Variants in PBX1 observed in about 807,000 individuals in gnomAD.
The protein encoded by PBX1 is pre-B-cell leukemia transcription factor 1.
Under a neutral mutation model 53.4 loss-of-function variants are expected in PBX1, and 6 were observed. The ratio of observed to expected loss-of-function variants is 0.11; its 90% CI spans 0.06 to 0.22. The LOEUF (loss-of-function observed/expected upper bound fraction) is 0.22. Among genes scored for constraint, PBX1 ranks in the 10% least tolerant of loss-of-function variants. The pLI is 1.00. For missense variants in PBX1, 251 were observed against 551.4 expected (o/e 0.46, Z 5.46); for synonymous variants, 204 against 212.3 (o/e 0.96, Z 0.34).
At chr1:164,616,498 A>G (rs190036287) in intron 2 of PBX1, among the ~76,000 whole-genome samples, 36 of 152,348 alleles carry the variant, frequency 2.4e-4, no homozygotes, top group Non-Finnish European at 2.5e-4. Flanking sequence ...CTGGAAATAT[A>G]CCAGTAAAAT....
At chr1:164,740,474 A>G (rs547100327) in intron 2 of PBX1, among the ~76,000 whole-genome samples, 3 of 152,180 alleles carry the variant, frequency 2.0e-5, no homozygotes, top group Non-Finnish European at 2.9e-5. Context: ...ATAGGCCACC[A>G]TATCAGAGTG....
chr1:164,644,559 C>G (rs12119891), intron 2 of PBX1, among the ~76,000 whole-genome samples: 66,801 of 149,842 alleles, frequency 0.45, 15,932 homozygotes, highest in East Asian at 0.54. Context: ...CGTTTATCAG[C>G]TTTTGTTTTT....
intron 2 of PBX1, among the ~76,000 whole-genome samples, chr1:164,659,699 A>T (rs996728463): frequency 6.6e-6 from 1 of 152,182 alleles, no homozygotes; most frequent in Admixed American, 6.5e-5. Flanking sequence ...AAGCAAGAGC[A>T]CTAAGCTTGG....
At chr1:164,627,539 C>A (rs1274539881) in intron 2 of PBX1, among the ~76,000 whole-genome samples, 2 of 152,122 alleles carry the variant, frequency 1.3e-5, no homozygotes, top group African/African-American at 2.4e-5. Flanking sequence ...GCATCGTGAA[C>A]AGGAAAGCTA....
intron 2 of PBX1, among the ~76,000 whole-genome samples, chr1:164,861,190 C>T (rs1672087766): frequency 6.6e-6 from 1 of 152,012 alleles, no homozygotes. Context: ...AAAGGGAGAT[C>T]TCAGGATCTC....
At chr1:164,853,675 A>AT (rs2102434086), downstream of PBX1, among the ~76,000 whole-genome samples, 1 of 152,306 alleles carries the variant, frequency 6.6e-6, no homozygotes, top group Admixed American at 6.5e-5. Flanking sequence ...GCCTGTGGTC[A>AT]TTAGGAAGGG....
intron 2 of PBX1, among the ~76,000 whole-genome samples, chr1:164,580,701 C>G (rs527826207): frequency 6.6e-6 from 1 of 152,208 alleles, no homozygotes; most frequent in East Asian, 1.9e-4. Context: ...CTCAGCCTCC[C>G]GAGTAGCTGG....
intron 8 of PBX1, among the ~76,000 whole-genome samples, chr1:164,842,091 AGAG>A (rs1671328308): frequency 6.6e-6 from 1 of 152,148 alleles, no homozygotes; most frequent in Non-Finnish European, 1.5e-5. Context: ...AGTGGGAAAA[AGAG>A]GAGATGGGGC....
chr1:164,637,406 G>A (rs1011419548), intron 2 of PBX1, among the ~76,000 whole-genome samples: 9 of 152,194 alleles, frequency 5.9e-5, no homozygotes, highest in African/African-American at 9.7e-5. Context: ...GAAAGCAGCG[G>A]GGCTGGTCGG....
At chr1:164,865,967 C>A (rs1037807103) in intron 2 of PBX1, among the ~76,000 whole-genome samples, 1 of 152,146 alleles carries the variant, frequency 6.6e-6, no homozygotes, top group Admixed American at 6.6e-5. Flanking sequence ...CAAGTCCCTG[C>A]ACTTTCTGTA....
chr1:164,853,798 G>A (rs575090456), downstream of PBX1, among the ~76,000 whole-genome samples: 1 of 152,154 alleles, frequency 6.6e-6, no homozygotes, highest in Admixed American at 6.5e-5. Context: ...AAAGAGTATG[G>A]TAAAGTGTAG....
chr1:164,814,166 T>G (rs1328917221), intron 6 of PBX1: 1 of 152,234 alleles, frequency 6.6e-6, no homozygotes, highest in African/African-American at 2.4e-5. Flanking sequence ...CTTTTGCTCT[T>G]AACCAACCTA....
rs776504167 is a variant in PBX1, at chr1:164,751,580, C to CTTTTTT, written c.266-40914_266-40913insTTTTTT. On this transcript the variant is annotated intron_variant, in intron 2 of 8. Coordinates refer to ENST00000420696, the MANE Select transcript of PBX1 (RefSeq NM_002585.4). ...TCAAATGTAATGGGTTTATTGCCCC[C>CTTTTTT]CTTTTTTTTTTTTTTTTTTGAGACA... Among the ~76,000 whole-genome samples the CTTTTTT allele has an allele frequency of 7.0e-5, 10 of 142,070 alleles. 1 individual carries two copies. The highest frequency in any genetic ancestry group is 1.9e-4 in the African/African-American group (7 of 37,082). 93.2% of individuals were successfully genotyped at this position (142,070 alleles called of 152,430 possible).
chr1:164,588,473 CTTT>C (rs371768861), intron 2 of PBX1, among the ~76,000 whole-genome samples: 3 of 73,084 alleles, frequency 4.1e-5, no homozygotes, highest in African/African-American at 1.2e-4. Context: ...CCGGACTAAG[CTTT>C]TTTTTTTTTT....
intron 1 of PBX1, 23 bp downstream of exon 1, chr1:164,560,036 C>A (rs777434921): frequency 3.3e-5 from 44 of 1,335,770 alleles, no homozygotes; most frequent in Non-Finnish European, 4.2e-5. Flanking sequence ...CTTTTCTTTT[C>A]CTTTCTTGGG....
intron 2 of PBX1, among the ~76,000 whole-genome samples, chr1:164,724,953 T>C (rs1664620724): frequency 6.6e-6 from 1 of 152,098 alleles, no homozygotes; most frequent in East Asian, 1.9e-4. Context: ...CCCTTTATTG[T>C]CTTTTTAAAG....
At chr1:164,824,580 G>T (rs1670329972) in intron 8 of PBX1, among the ~76,000 whole-genome samples, 1 of 152,258 alleles carries the variant, frequency 6.6e-6, no homozygotes, top group South Asian at 2.1e-4. Flanking sequence ...GTGAGGATAG[G>T]TTAGGACACA....
intron 2 of PBX1, among the ~76,000 whole-genome samples, chr1:164,869,712 A>G (rs1672304816): frequency 6.6e-6 from 1 of 152,250 alleles, no homozygotes; most frequent in Non-Finnish European, 1.5e-5. Context: ...AATGCTAAAG[A>G]AAAATATCAG....
At chr1:164,597,084 G>A (rs1043904883) in intron 2 of PBX1, among the ~76,000 whole-genome samples, 3 of 152,202 alleles carry the variant, frequency 2.0e-5, no homozygotes, top group Non-Finnish European at 2.9e-5. Flanking sequence ...TCTACACTTA[G>A]CTTGGACTTC....
Sources: allele counts gnomAD v4.1 joint callset (sites outside exome capture counted in the v4.1 genomes callset), GRCh38; gene constraint gnomAD v4.1.1; transcripts MANE v1.5; gene names NCBI Gene and HGNC (gene_info 2026-07-23, HGNC 2026-07-21).